Variants in RBFOX1 observed in about 807,000 individuals in gnomAD.
The protein encoded by RBFOX1 is RNA binding fox-1 homolog 1.
A neutral mutation model predicts 57.7 loss-of-function variants in RBFOX1; 8 were observed. The ratio of observed to expected loss-of-function variants is 0.14; its 90% confidence interval spans 0.08 to 0.25. RBFOX1 has a LOEUF of 0.25. Ranked by LOEUF, RBFOX1 falls within the 10% of genes least tolerant of loss-of-function variation. RBFOX1 has a pLI of 1.00. For synonymous variants in RBFOX1, 326 were observed against 222.4 expected (o/e 1.47, Z -4.15); for missense variants, 611 against 548.5 (o/e 1.11, Z -1.14).
At chr16:6,636,177 T>A (rs1377648592) in intron 2 of RBFOX1, among the ~76,000 whole-genome samples, 6 of 152,076 alleles carry the variant, frequency 3.9e-5, no homozygotes, top group Non-Finnish European at 8.8e-5. Flanking sequence ...GATTTGGGAT[T>A]TTTTCTTTTT....
chr16:6,193,396 A>ATATATATAC (rs1480857639), intron 1 of RBFOX1, among the ~76,000 whole-genome samples: 1,685 of 31,440 alleles, frequency 0.054, 19 homozygotes, highest in Non-Finnish European at 0.082. Context: ...TATATACTAT[A>ATATATATAC]TATATATATA....
intron 4 of RBFOX1, among the ~76,000 whole-genome samples, chr16:7,305,983 T>A (rs1263873742): frequency 1.3e-5 from 2 of 152,208 alleles, no homozygotes; most frequent in African/African-American, 4.8e-5. Context: ...GGAAGAAAAT[T>A]CTAATGAGCA....
At chr16:7,643,869 A>C (rs1349981498) in intron 11 of RBFOX1, among the ~76,000 whole-genome samples, 1 of 152,116 alleles carries the variant, frequency 6.6e-6, no homozygotes, top group African/African-American at 2.4e-5. Context: ...GGGCACACAC[A>C]CAGACCCTCT....
intron 3 of RBFOX1, among the ~76,000 whole-genome samples, chr16:6,927,036 C>G (rs568922360): frequency 6.6e-6 from 1 of 152,156 alleles, no homozygotes; most frequent in Admixed American, 6.5e-5. Context: ...ATTAACCCTT[C>G]GTTACCTAAA....
At chr16:7,307,906 C>A (rs1391615859) in intron 4 of RBFOX1, among the ~76,000 whole-genome samples, 1 of 152,186 alleles carries the variant, frequency 6.6e-6, no homozygotes, top group Non-Finnish European at 1.5e-5. Flanking sequence ...CATGCTGTGT[C>A]TTCTTTGATG....
intron 3 of RBFOX1, among the ~76,000 whole-genome samples, chr16:5,855,009 C>A (rs2056989096): frequency 6.6e-6 from 1 of 152,176 alleles, no homozygotes. Flanking sequence ...GCCTGTTGCC[C>A]ATTTGTACAT....
At chr16:7,004,073 A>G (rs1020912902) in intron 3 of RBFOX1, 1 of 149,856 alleles carries the variant, frequency 6.7e-6, no homozygotes, top group Admixed American at 6.7e-5. Flanking sequence ...CCTTCTCTGT[A>G]TCATTCTAGT....
At chr16:7,088,672 A>C (rs916218431) in intron 4 of RBFOX1, among the ~76,000 whole-genome samples, 7 of 152,182 alleles carry the variant, frequency 4.6e-5, no homozygotes, top group Non-Finnish European at 8.8e-5. Flanking sequence ...AGAAAAAATT[A>C]CTTATTATGT....
At chr16:6,070,245 C>T (rs561201517) in intron 1 of RBFOX1, among the ~76,000 whole-genome samples, 1 of 152,252 alleles carries the variant, frequency 6.6e-6, no homozygotes, top group African/African-American at 2.4e-5. Context: ...CTGTATGTGG[C>T]TCCCCCAAAG....
At chr16:6,532,964 C>T (rs950055907) in intron 2 of RBFOX1, among the ~76,000 whole-genome samples, 1 of 152,182 alleles carries the variant, frequency 6.6e-6, no homozygotes, top group African/African-American at 2.4e-5. Flanking sequence ...CCCAGTGTCC[C>T]TGTGGAACAT....
chr16:5,692,418 C>G (rs1051760234), intron 3 of RBFOX1, among the ~76,000 whole-genome samples: 1 of 152,048 alleles, frequency 6.6e-6, no homozygotes, highest in Non-Finnish European at 1.5e-5. Context: ...ATGAGTTCTG[C>G]TAACCACTGG....
At chr16:5,294,124 G>A (rs1045465613) in intron 1 of RBFOX1, among the ~76,000 whole-genome samples, 1 of 152,202 alleles carries the variant, frequency 6.6e-6, no homozygotes, top group Non-Finnish European at 1.5e-5. Context: ...AGCTACTCGG[G>A]AGGCTGAGGT....
chr16:7,635,256 C>G (rs1276313026), intron 11 of RBFOX1, among the ~76,000 whole-genome samples: 1 of 152,198 alleles, frequency 6.6e-6, no homozygotes. Context: ...AAAAAGTTCA[C>G]TTCTGATTCA....
chr16:5,903,709 A>T (rs917319985), intron 4 of RBFOX1, among the ~76,000 whole-genome samples: 7 of 152,100 alleles, frequency 4.6e-5, no homozygotes, highest in African/African-American at 9.7e-5. Flanking sequence ...ATGTGACCCC[A>T]TTTCACCACT....
Position 5,809,833 on chromosome 16 carries a change from C to A in RBFOX1, c.319-57470C>A, listed in dbSNP as rs942068989. ...AGCCATCCCATTACTGGGTATATAC[C>A]CAAAGGACTATAAATCACGCTGCTA... On this transcript the variant is annotated intron_variant, in intron 3 of 19. Transcript: ENST00000641259. 7.4e-4 allele frequency among the ~76,000 whole-genome samples: 112 copies of A among 152,084 alleles called. 1 individual carries two copies. The highest frequency in any genetic ancestry group is 2.5e-3 in the African/African-American group (105 of 41,464).
chr16:7,066,765 C>T (rs1196075162), intron 4 of RBFOX1, among the ~76,000 whole-genome samples: 1 of 152,024 alleles, frequency 6.6e-6, no homozygotes, highest in Non-Finnish European at 1.5e-5. Context: ...CCAGGGTTTT[C>T]CAGGGAGAAA....
At chr16:6,592,767 G>A (rs958556051) in intron 2 of RBFOX1, among the ~76,000 whole-genome samples, 1 of 152,182 alleles carries the variant, frequency 6.6e-6, no homozygotes, top group African/African-American at 2.4e-5. Context: ...AGATGAAATA[G>A]AGGTTATTCT....
chr16:7,610,271 C>A (rs1242515013), intron 10 of RBFOX1, among the ~76,000 whole-genome samples: 1 of 151,850 alleles, frequency 6.6e-6, no homozygotes, highest in Non-Finnish European at 1.5e-5. Context: ...AGGCGTCCAC[C>A]ACCATGCCCG....
intron 2 of RBFOX1, among the ~76,000 whole-genome samples, chr16:6,380,359 A>G (rs886953842): frequency 7.0e-6 from 1 of 142,492 alleles, no homozygotes; most frequent in Non-Finnish European, 1.5e-5. Context: ...ACCCCTCCCC[A>G]ACTTATAATG....
Sources: allele counts gnomAD v4.1 joint callset (sites outside exome capture counted in the v4.1 genomes callset), GRCh38; gene constraint gnomAD v4.1.1; transcripts MANE v1.5; gene names NCBI Gene and HGNC (gene_info 2026-07-23, HGNC 2026-07-21).